The following RIPOR3 variants were observed in gnomAD, a reference collection of about 807,000 sequenced individuals.
The protein encoded by RIPOR3 is family with sequence similarity 65 member C.
A neutral mutation model predicts 114.3 loss-of-function variants in RIPOR3; 95 were observed. That is an observed-to-expected ratio of 0.83 (90% CI 0.70 to 0.99). The LOEUF is 0.99. Among genes scored for constraint, RIPOR3 ranks in the 50% least tolerant of loss-of-function variants. The probability of loss-of-function intolerance (pLI) is 0.00; values close to 1 mark genes in which losing one functional copy is unlikely to be tolerated. For synonymous variants in RIPOR3, 575 were observed against 543.8 expected (o/e 1.06, Z -0.80); for missense variants, 1,252 against 1,266.9 (o/e 0.99, Z 0.18).
Position 50,587,910 on chromosome 20 carries a change from A to G in RIPOR3, c.2662-18T>C, listed in dbSNP as rs182338293. ...TCAATGCCCTGTTCGAGATTAGGAG[A>G]AAAAGAACCCTTTAGGGGGCCTTCT... is the stretch of plus-strand genomic sequence containing the variant. On this transcript the variant is annotated intron_variant, in intron 20 of 21. Transcript: ENST00000327979. 77 of 1,613,462 alleles carry G rather than the reference A, an allele frequency of 4.8e-5. No individual in the cohort carries two copies. The African/African-American group carries it at 9.2e-4, about 19-fold the overall frequency.
intron 3 of RIPOR3, among the ~76,000 whole-genome samples, chr20:50,616,704 C>T (rs1159083365): frequency 1.3e-5 from 2 of 152,148 alleles, no homozygotes; most frequent in South Asian, 2.1e-4. Context: ...ACCCCAGCCC[C>T]GGTCACACAG....
chr20:50,622,178 A>C (rs963388826), intron 2 of RIPOR3, among the ~76,000 whole-genome samples: 2 of 150,190 alleles, frequency 1.3e-5, no homozygotes, highest in Non-Finnish European at 3.0e-5. Flanking sequence ...CTTTGGCATC[A>C]GTTCTCTTTT....
rs762112787 is a variant in RIPOR3 at position 50,615,994 on chromosome 20, G to GGTCT, written c.348+4_348+7dup. 2.2e-5 allele frequency: 35 copies of GGTCT among 1,603,294 alleles called. No homozygotes were observed. The highest frequency in any genetic ancestry group is 7.7e-6 in the Non-Finnish European group (9 of 1,174,972). The stretch of plus-strand genomic sequence containing the variant: ...TCTGGGTGGGAAGCAGGCAGGGAGG[G>GGTCT]GTCTCACCAGCCTGGAATTCCTCCT... On this transcript the variant is annotated splice_region_variant and intron_variant, in intron 4 of 21. Transcript: ENST00000327979.
intron 1 of RIPOR3, among the ~76,000 whole-genome samples, chr20:50,654,901 A>T (rs1466888289): frequency 6.6e-6 from 1 of 151,876 alleles, no homozygotes; most frequent in Non-Finnish European, 1.5e-5. Flanking sequence ...ACGCACCACC[A>T]CACCAGCTAC....
At chr20:50,597,412 G>A in intron 14 of RIPOR3, 168 bp downstream of exon 14, 2 of 1,010,122 alleles carry the variant, frequency 2.0e-6, no homozygotes, top group East Asian at 5.3e-5. Flanking sequence ...TCTGAGGCAA[G>A]TGGGGGATGT....
intron 1 of RIPOR3, among the ~76,000 whole-genome samples, chr20:50,671,422 GCGCGCGCACACACACA>G (rs2097458902): frequency 1.1e-4 from 2 of 18,886 alleles, no homozygotes; most frequent in Middle Eastern, 0.083. Context: ...GCGTGCACGC[GCGCGCGCACACACACA>G]CACACACACA....
chr20:50,629,160 G>A (rs1005163454), intron 2 of RIPOR3, among the ~76,000 whole-genome samples: 5 of 151,952 alleles, frequency 3.3e-5, no homozygotes, highest in Non-Finnish European at 5.9e-5. Flanking sequence ...GGTCCCAGGG[G>A]CCTCTAGCCA....
chr20:50,589,920 C>A, intron 19 of RIPOR3, 151 bp from the exon 20 acceptor site: 1 of 660,504 alleles, frequency 1.5e-6, no homozygotes, highest in Non-Finnish European at 2.8e-6. Flanking sequence ...CATCTTTGGG[C>A]CCTGTGTACA....
intron 1 of RIPOR3, among the ~76,000 whole-genome samples, chr20:50,636,270 G>T (rs541686783): frequency 1.3e-5 from 2 of 152,356 alleles, no homozygotes; most frequent in Non-Finnish European, 2.9e-5. Flanking sequence ...GCGACCAAGG[G>T]TGACATTCCT....
intron 2 of RIPOR3, among the ~76,000 whole-genome samples, chr20:50,627,188 C>CA (rs1168970733): frequency 1.3e-5 from 2 of 151,138 alleles, no homozygotes; most frequent in South Asian, 2.1e-4. Flanking sequence ...AAAACACACA[C>CA]AAAAAAATTG....
At chr20:50,592,129 C>T (rs1417629839) in intron 19 of RIPOR3, among the ~76,000 whole-genome samples, 1 of 152,180 alleles carries the variant, frequency 6.6e-6, no homozygotes, top group African/African-American at 2.4e-5. Context: ...ATTCAGCGTG[C>T]AAGTGACATC....
At chr20:50,588,851 C>T (rs1024599825) in intron 20 of RIPOR3, among the ~76,000 whole-genome samples, 2 of 151,084 alleles carry the variant, frequency 1.3e-5, no homozygotes, top group African/African-American at 4.9e-5. Context: ...GAGGCCGAGG[C>T]GGGCAGATCA....
intron 2 of RIPOR3, among the ~76,000 whole-genome samples, chr20:50,621,760 C>T (rs2084415386): frequency 6.6e-6 from 1 of 152,146 alleles, no homozygotes. Context: ...TAAAGCTGAA[C>T]CTGCCCGTGG....
intron 1 of RIPOR3, among the ~76,000 whole-genome samples, chr20:50,671,848 A>G (rs1289501295): frequency 6.6e-6 from 1 of 150,760 alleles, no homozygotes; most frequent in Admixed American, 6.6e-5. Flanking sequence ...AGATGGGTGG[A>G]TGAGTGAGTG....
At position 50,587,297 on chromosome 20, in the gene RIPOR3, T is replaced by C. The variant is rs778740708; in HGVS notation, c.2788A>G (p.Lys930Glu). The C allele has an allele frequency of 1.9e-6, 3 of 1,614,226 alleles. No individual in the cohort carries two copies. Among genetic ancestry groups the C allele is most frequent in the Non-Finnish European group, 2.5e-6 (3 of 1,180,038 alleles). The change falls in exon 22 of 22, where the codon AAG (lysine) becomes GAG (glutamate). Residue 930 changes from lysine (K) to glutamate (E), a missense_variant. Coordinates refer to ENST00000327979, the MANE Select transcript of RIPOR3 (RefSeq NM_001290268.2). ...ACTTCTCTTTGTTCTGAGCAGAGCT[T>C]GTCCATCTTCTCAAAAGCTAACCGT... ...KGRLAFEKMDKLCSEQREVFC... is the reference protein window; with the variant it reads ...KGRLAFEKMDELCSEQREVFC...
intron 1 of RIPOR3, among the ~76,000 whole-genome samples, chr20:50,657,005 A>G (rs553323583): frequency 1.3e-5 from 2 of 152,366 alleles, no homozygotes; most frequent in South Asian, 4.1e-4. Flanking sequence ...ATTGTTGGTC[A>G]AATAGTATGA....
At chr20:50,640,174 G>A (rs1265502375) in intron 1 of RIPOR3, among the ~76,000 whole-genome samples, 2 of 152,230 alleles carry the variant, frequency 1.3e-5, no homozygotes, top group African/African-American at 2.4e-5. Flanking sequence ...CCTACGGAGC[G>A]GCCCTGGGTC....
At chr20:50,669,536 C>G (rs189059418) in intron 1 of RIPOR3, among the ~76,000 whole-genome samples, 1 of 152,316 alleles carries the variant, frequency 6.6e-6, no homozygotes, top group East Asian at 1.9e-4. Context: ...TCCTGATCAT[C>G]AACACAGACT....
chr20:50,608,441 C>A lies in RIPOR3; in HGVS notation c.904G>T (p.Val302Leu). 1 of 1,614,062 alleles carries A rather than the reference C, an allele frequency of 6.2e-7. No homozygotes were observed. Among genetic ancestry groups the A allele is most frequent in the Non-Finnish European group, 8.5e-7 (1 of 1,179,958 alleles). ...ATGGTACCCAACTCCGTGATGTCCA[C>A]CACGATGACCTGCGGCCGCGTCGTG... is the stretch of plus-strand genomic sequence containing the variant. Reference protein sequence around the residue: ...FFTTRPQVIVVDITELGTIKL... With the variant: ...FFTTRPQVIVLDITELGTIKL... The change falls in exon 11 of 22, where the codon GTG becomes TTG. Residue 302 changes from valine to leucine, a missense_variant. Val to Leu is a conservative substitution (Grantham distance 32). Transcript: ENST00000327979.
Sources: gnomAD v4.1 joint callset for allele counts (sites outside exome capture counted in the v4.1 genomes callset) on GRCh38, gnomAD v4.1.1 for gene constraint, MANE v1.5 for transcripts, NCBI Gene and HGNC (gene_info 2026-07-23, HGNC 2026-07-21) for gene names.